Variants in CEP164 observed in about 807,000 individuals in gnomAD.
The protein encoded by CEP164 is centrosomal protein 164, also known as centrosomal protein of 164 kDa.
CEP164 carries 162 observed loss-of-function variants against 182.7 expected under a neutral mutation model. The ratio of observed to expected loss-of-function variants is 0.89; its 90% CI spans 0.78 to 1.01. CEP164 has a LOEUF of 1.01. Ranked by LOEUF, CEP164 falls within the 50% of genes least tolerant of loss-of-function variation. The pLI, the probability that CEP164 is intolerant of heterozygous loss-of-function variation, is 0.00. For missense variants in CEP164, 1,735 were observed against 1,790.4 expected (o/e 0.97, Z 0.56); for synonymous variants, 661 against 690.0 (o/e 0.96, Z 0.66).
intron 14 of CEP164, 172 bp from the exon 15 acceptor site, chr11:117,387,031 G>T: frequency 1.6e-6 from 1 of 633,508 alleles, no homozygotes. Flanking sequence ...CTTGTCCTAT[G>T]GAACAAGCAT....
chr11:117,367,446 C>T (rs2041766946), intron 8 of CEP164, among the ~76,000 whole-genome samples: 1 of 152,186 alleles, frequency 6.6e-6, no homozygotes, highest in Non-Finnish European at 1.5e-5. Flanking sequence ...AGAATTTAAG[C>T]ATAAGAATTG....
intron 27 of CEP164, among the ~76,000 whole-genome samples, chr11:117,398,942 C>T (rs1332647758): frequency 3.3e-5 from 5 of 152,210 alleles, no homozygotes; most frequent in African/African-American, 9.7e-5. Flanking sequence ...ATTTTTGCAG[C>T]TAGCTTGAAT....
chr11:117,332,430 G>C (rs2036373243), intron 1 of CEP164, among the ~76,000 whole-genome samples: 1 of 152,074 alleles, frequency 6.6e-6, no homozygotes, highest in South Asian at 2.1e-4. Flanking sequence ...TACAGAATTA[G>C]CCAGGCGTGG....
In CEP164 at chr11:117,336,129, A is replaced by G. The variant is rs534570997; in HGVS notation, c.-22+449A>G. ...AGCACAAGGGCTACTTTCCCCCAGTACAACATGGCTTCTGAAGCTTGATGG... is the reference window on the plus strand; with the variant it reads ...AGCACAAGGGCTACTTTCCCCCAGTGCAACATGGCTTCTGAAGCTTGATGG... On this transcript the variant is annotated intron_variant, in intron 2 of 32. Transcript: ENST00000278935. The G allele has an allele frequency of 3.5e-5, 55 of 1,550,444 alleles. No homozygotes were observed. In the East Asian group the frequency reaches 1.3e-3, roughly 36 times the overall value.
intron 25 of CEP164, 21 bp downstream of exon 25, chr11:117,396,201 T>C: frequency 2.6e-6 from 1 of 386,370 alleles, no homozygotes; most frequent in Non-Finnish European, 5.3e-6. Context: ...GGCTGGGGCC[T>C]GGGGGCTGGG....
chr11:117,390,698 G>A, intron 15 of CEP164, 79 bp from the exon 16 acceptor site: 1 of 1,567,458 alleles, frequency 6.4e-7, no homozygotes, highest in Non-Finnish European at 8.7e-7. Flanking sequence ...GGCTATTGGA[G>A]GCTGAGAGCC....
chr11:117,375,859 A>G (rs2042688362), intron 11 of CEP164, 68 bp downstream of exon 11: 1 of 1,373,150 alleles, frequency 7.3e-7, no homozygotes. Context: ...CGGATGACCC[A>G]GAACTGAGCC....
At chr11:117,355,030 A>G (rs979155444) in intron 5 of CEP164, 1 of 1,289,698 alleles carries the variant, frequency 7.8e-7, no homozygotes, top group Non-Finnish European at 1.0e-6. Context: ...ACCTAGATCA[A>G]GAGATGCAGG....
At chr11:117,359,640 G>C (rs1413288624) in intron 5 of CEP164, 1 of 967,406 alleles carries the variant, frequency 1.0e-6, no homozygotes, top group Non-Finnish European at 1.2e-6. Context: ...TGGGATTAGG[G>C]AGGATTGGAA....
rs1340708936 is a variant in CEP164 at position 117,404,648 on chromosome 11, A to G, written c.3502-3277A>G. The stretch of plus-strand genomic sequence containing the variant: ...ATGGGGGTCAAGGACCCACTTGAGG[A>G]GGCAGTCTGTCTCTTAGCAGAGCCC... On this transcript the variant is annotated intron_variant, in intron 27 of 32. Coordinates refer to ENST00000278935, the MANE Select transcript of CEP164 (RefSeq NM_014956.5). Among the ~76,000 whole-genome samples the G allele has an allele frequency of 2.0e-5, 3 of 152,320 alleles. No individual in the cohort carries two copies. In the South Asian group the frequency reaches 6.2e-4, roughly 32 times the overall value.
rs1193641948 is a variant in CEP164 at position 117,344,261 on chromosome 11, G to A, written c.178G>A (p.Gly60Arg). 2 of 1,612,552 alleles carry A rather than the reference G, an allele frequency of 1.2e-6. No individual in the cohort carries two copies. The highest frequency in any genetic ancestry group is 1.7e-6 in the Non-Finnish European group (2 of 1,179,268). ...AREGIVAPLP[G>R]EWKPCQDITG... ...AGAGGGCATCGTGGCCCCACTGCCTGGAGAGTGGAAACCATGGTAAGTCAG... is the reference window on the plus strand; with the variant it reads ...AGAGGGCATCGTGGCCCCACTGCCTAGAGAGTGGAAACCATGGTAAGTCAG... Residue 60 changes from glycine (G) to arginine (R), a missense_variant, in exon 4 of 33, where the codon GGA becomes AGA. By Grantham distance (125) the Gly-to-Arg change is moderately radical. Coordinates refer to ENST00000278935, the MANE Select transcript of CEP164 (RefSeq NM_014956.5).
intron 8 of CEP164, among the ~76,000 whole-genome samples, chr11:117,365,631 G>A (rs1222572606): frequency 6.6e-6 from 1 of 152,040 alleles, no homozygotes; most frequent in African/African-American, 2.4e-5. Flanking sequence ...CCAGGCTGTA[G>A]TGCAATGGCA....
chr11:117,373,711 C>G (rs753464852), intron 9 of CEP164, 40 bp from the exon 10 acceptor site: 1 of 1,568,180 alleles, frequency 6.4e-7, no homozygotes, highest in Non-Finnish European at 8.8e-7. Context: ...ACTCTTTGTG[C>G]TCTGCTCTGA....
At chr11:117,382,609 T>C in intron 13 of CEP164, 187 bp from the exon 14 acceptor site, 1 of 639,156 alleles carries the variant, frequency 1.6e-6, no homozygotes, top group Admixed American at 2.8e-5. Flanking sequence ...CAGGAGTCTC[T>C]AGTCTTTGAT....
intron 5 of CEP164, chr11:117,356,467 T>A (rs2040306358): frequency 7.8e-7 from 1 of 1,281,652 alleles, no homozygotes; most frequent in Admixed American, 2.3e-5. Flanking sequence ...TGGAACATCC[T>A]CAGGAGGTGG....
chr11:117,399,204 A>G (rs909553431), intron 27 of CEP164, among the ~76,000 whole-genome samples: 1 of 151,146 alleles, frequency 6.6e-6, no homozygotes, highest in Non-Finnish European at 1.5e-5. Flanking sequence ...TCATTGTTCA[A>G]CTCCCACTTA....
chr11:117,410,058 C>T (rs994968525), intron 30 of CEP164, 93 bp downstream of exon 30: 3 of 1,195,756 alleles, frequency 2.5e-6, no homozygotes, highest in Non-Finnish European at 3.7e-6. Flanking sequence ...CTCCTTTTCT[C>T]CTCTTCCTCT....
At position 117,362,547 on chromosome 11, in the gene CEP164, G is replaced by A; in HGVS notation, c.687+9G>A. On this transcript the variant is annotated intron_variant, in intron 7 of 32. Transcript: ENST00000278935. ...AGGAAAGTGACAACCAGGTAATGAT[G>A]AAGTCCTCTCCCTGGCCTGGAAACC... is the stretch of plus-strand genomic sequence containing the variant. 1 of 1,612,222 alleles carries A rather than the reference G, an allele frequency of 6.2e-7. No individual in the cohort carries two copies. The highest frequency in any genetic ancestry group is 1.9e-4 in the Middle Eastern group (1 of 5,270).
At chr11:117,371,597 CT>C in intron 9 of CEP164, 131 bp downstream of exon 9, 5 of 1,125,518 alleles carry the variant, frequency 4.4e-6, no homozygotes, top group Non-Finnish European at 6.1e-6. Context: ...CTGCACTGGG[CT>C]GTCAGCATCA....
Sources: allele counts gnomAD v4.1 joint callset (sites outside exome capture counted in the v4.1 genomes callset), GRCh38; gene constraint gnomAD v4.1.1; transcripts MANE v1.5; gene names NCBI Gene and HGNC (gene_info 2026-07-23, HGNC 2026-07-21).